Variants in GC observed in about 807,000 individuals in gnomAD.
GC encodes the protein GC vitamin D binding protein, also known as vitamin D-binding protein.
In GC, 43 loss-of-function variants were observed where a neutral mutation model predicts 56.7. The observed-to-expected ratio is 0.76, with a 90% CI of 0.59 to 0.98. The LOEUF is 0.98. Among genes scored for constraint, GC ranks in the 50% least tolerant of loss-of-function variants. The pLI, the probability that GC is intolerant of heterozygous loss-of-function variation, is 0.00. For synonymous variants in GC, 216 were observed against 202.7 expected (o/e 1.07, Z -0.56); for missense variants, 529 against 545.9 (o/e 0.97, Z 0.31).
exon 1 of GC, chr4:71,804,017 T>A: frequency 1.1e-6 from 1 of 939,352 alleles, no homozygotes. Context: ...CCTGGTGGAG[T>A]AAGCAATCTC....
At chr4:71,755,142 T>C (rs1741724171) in intron 8 of GC, 35 bp from the exon 9 acceptor site, 4 of 499,518 alleles carry the variant, frequency 8.0e-6, no homozygotes, top group Non-Finnish European at 9.4e-6. Context: ...ATGTGTTATA[T>C]ATTTCCTATT....
intron 1 of GC, among the ~76,000 whole-genome samples, chr4:71,772,851 T>C (rs1742384582): frequency 6.6e-6 from 1 of 152,102 alleles, no homozygotes; most frequent in Non-Finnish European, 1.5e-5. Context: ...AATGTACTTC[T>C]GATAAAATAA....
chr4:71,744,269 C>T (rs1472474275), intron 12 of GC, among the ~76,000 whole-genome samples: 34 of 144,604 alleles, frequency 2.4e-4, no homozygotes, highest in Admixed American at 2.2e-3. Flanking sequence ...AGTGAAACCC[C>T]ATCTCTACTA....
At chr4:71,768,186 C>A in intron 3 of GC, 115 bp downstream of exon 3, 1 of 770,620 alleles carries the variant, frequency 1.3e-6, no homozygotes. Flanking sequence ...CATATTTCCC[C>A]CAAACTAGGA....
chr4:71,749,051 A>C (rs144407047), intron 11 of GC, among the ~76,000 whole-genome samples: 2,221 of 152,308 alleles, frequency 0.015, 25 homozygotes, highest in Non-Finnish European at 0.025. Flanking sequence ...GCACTAAAGT[A>C]AAGTCAGAAA....
At chr4:71,780,844 A>G (rs1742653441) in intron 1 of GC, among the ~76,000 whole-genome samples, 2 of 152,168 alleles carry the variant, frequency 1.3e-5, no homozygotes, top group Non-Finnish European at 2.9e-5. Flanking sequence ...TCAAGGATCT[A>G]GAACTGGAAA....
chr4:71,753,533 A>T (rs1203561215), intron 10 of GC, among the ~76,000 whole-genome samples: 1 of 151,796 alleles, frequency 6.6e-6, no homozygotes, highest in African/African-American at 2.4e-5. Flanking sequence ...GATCTGAGAA[A>T]TTTACTAACG....
Position 71,748,409 on chromosome 4 carries a change from G to A in GC, c.1396-2204C>T, listed in dbSNP as rs181800241. ...GGCTTCCACTTGGCTATTTGTATTTGTCTCTGTGTTTTTAAGATTTTAGTG... is the reference window on the plus strand; with the variant it reads ...GGCTTCCACTTGGCTATTTGTATTTATCTCTGTGTTTTTAAGATTTTAGTG... On this transcript the variant is annotated intron_variant, in intron 11 of 12. Transcript: ENST00000273951. Among the ~76,000 whole-genome samples the A allele has an allele frequency of 2.7e-3, 408 of 152,006 alleles. 1 individual carries two copies. Among genetic ancestry groups the A allele is most frequent in the South Asian group, 5.0e-3 (24 of 4,812 alleles).
At chr4:71,795,415 G>A (rs116277745) in intron 1 of GC, among the ~76,000 whole-genome samples, 1 of 152,002 alleles carries the variant, frequency 6.6e-6, no homozygotes, top group African/African-American at 2.4e-5. Context: ...TTATGTAATG[G>A]CCTTGTTTGT....
intron 11 of GC, among the ~76,000 whole-genome samples, chr4:71,748,585 A>G (rs1741451207): frequency 6.6e-6 from 1 of 152,160 alleles, no homozygotes; most frequent in Non-Finnish European, 1.5e-5. Flanking sequence ...GATGGTAGAA[A>G]GAGAAAAGAA....
rs541463454 is a variant in GC at position 71,777,325 on chromosome 4, C to T, written c.58+6636G>A. Reference sequence around the variant, plus strand: ...ATTTTGTGTTAACCATTGTGATATACATTGCTTTAAGTGCTTTTATAGCAC... The same window carrying T: ...ATTTTGTGTTAACCATTGTGATATATATTGCTTTAAGTGCTTTTATAGCAC... On this transcript the variant is annotated intron_variant, in intron 1 of 12. Transcript: ENST00000273951. Among the ~76,000 whole-genome samples, 10 of 151,826 alleles carry T rather than the reference C, an allele frequency of 6.6e-5. No individual in the cohort carries two copies. In the South Asian group the frequency reaches 2.1e-3, roughly 31 times the overall value.
At chr4:71,759,915 G>T (rs1741906849) in intron 6 of GC, among the ~76,000 whole-genome samples, 1 of 152,004 alleles carries the variant, frequency 6.6e-6, no homozygotes, top group Non-Finnish European at 1.5e-5. Context: ...CTTTATATTA[G>T]AAATTCCCTC....
At chr4:71,744,220 A>G (rs1741277721) in intron 12 of GC, among the ~76,000 whole-genome samples, 1 of 150,916 alleles carries the variant, frequency 6.6e-6, no homozygotes, top group Non-Finnish European at 1.5e-5. Flanking sequence ...AGGCGGGCGG[A>G]TCACGAGGTC....
intron 6 of GC, among the ~76,000 whole-genome samples, chr4:71,760,594 G>T (rs775831673): frequency 3.8e-4 from 58 of 152,166 alleles, no homozygotes; most frequent in African/African-American, 1.2e-3. Flanking sequence ...CAAAGTGAAG[G>T]TTGCAAATAT....
At chr4:71,757,328 T>A (rs1252266093) in intron 7 of GC, among the ~76,000 whole-genome samples, 1 of 152,140 alleles carries the variant, frequency 6.6e-6, no homozygotes, top group African/African-American at 2.4e-5. Context: ...TATAAATCCT[T>A]ATAGAAAAGC....
upstream of GC, chr4:71,786,028 C>A (rs1018744510): frequency 6.6e-6 from 1 of 151,792 alleles, no homozygotes; most frequent in Non-Finnish European, 1.5e-5. Context: ...TTAAGACCAG[C>A]TCATTCTTTC....
intron 3 of GC, 34 bp from the exon 4 acceptor site, chr4:71,765,677 T>C (rs1432058507): frequency 9.2e-6 from 12 of 1,311,314 alleles, no homozygotes; most frequent in African/African-American, 1.5e-5. Context: ...CTCATATATA[T>C]ATGTAAATTT....
At chr4:71,753,525 T>C (rs539205840) in intron 10 of GC, among the ~76,000 whole-genome samples, 154 of 150,160 alleles carry the variant, frequency 1.0e-3, no homozygotes, top group Non-Finnish European at 1.9e-3. Flanking sequence ...GGGAATAGGA[T>C]CTGAGAAATT....
intron 2 of GC, 125 bp downstream of exon 2, chr4:71,769,206 G>GGGCT: frequency 1.5e-6 from 1 of 665,280 alleles, no homozygotes; most frequent in Admixed American, 2.7e-5. Context: ...CTTGGGCCTG[G>GGGCT]GGCTCTGTCC....
Sources: gnomAD v4.1 joint callset for allele counts (sites outside exome capture counted in the v4.1 genomes callset) on GRCh38, gnomAD v4.1.1 for gene constraint, MANE v1.5 for transcripts, NCBI Gene and HGNC (gene_info 2026-07-23, HGNC 2026-07-21) for gene names.